The following MARK1 variants were observed in gnomAD, a reference collection of about 807,000 sequenced individuals.
MARK1 encodes serine/threonine-protein kinase MARK1.
In MARK1, 40 loss-of-function variants were observed where a neutral mutation model predicts 96.3. That is an observed-to-expected ratio of 0.42 (90% confidence interval 0.32 to 0.54). The LOEUF (loss-of-function observed/expected upper bound fraction) is 0.54, where lower values mean the gene tolerates loss of function less well. Among genes scored for constraint, MARK1 ranks in the 20% least tolerant of loss-of-function variants. The probability of loss-of-function intolerance (pLI) is 0.16; values close to 1 mark genes in which losing one functional copy is unlikely to be tolerated. For missense variants in MARK1, 719 were observed against 984.6 expected (o/e 0.73, Z 3.61); for synonymous variants, 317 against 341.2 (o/e 0.93, Z 0.78).
intron 10 of MARK1, 119 bp downstream of exon 10, chr1:220,631,253 G>C: frequency 1.8e-6 from 1 of 542,134 alleles, no homozygotes; most frequent in East Asian, 3.1e-5. Flanking sequence ...AAAAATACTT[G>C]CATTGTCATT....
intron 3 of MARK1, among the ~76,000 whole-genome samples, chr1:220,584,126 TTG>T (rs1475183256): frequency 1.3e-5 from 2 of 152,214 alleles, no homozygotes; most frequent in Non-Finnish European, 1.5e-5. Flanking sequence ...ATGACAAAGT[TTG>T]TGTCAGTCTG....
chr1:220,573,263 T>TTTA (rs1376060894), intron 1 of MARK1, among the ~76,000 whole-genome samples: 1 of 152,128 alleles, frequency 6.6e-6, no homozygotes, highest in African/African-American at 2.4e-5. Flanking sequence ...CTGGGCCCCA[T>TTTA]TTATACATGT....
chr1:220,647,317 A>G (rs945057559), intron 13 of MARK1, among the ~76,000 whole-genome samples: 1 of 152,220 alleles, frequency 6.6e-6, no homozygotes, highest in African/African-American at 2.4e-5. Context: ...ATCACTAATC[A>G]TTAGAGAAAT....
chr1:220,546,711 G>T (rs1366296691), intron 1 of MARK1, among the ~76,000 whole-genome samples: 1 of 152,138 alleles, frequency 6.6e-6, no homozygotes, highest in African/African-American at 2.4e-5. Flanking sequence ...AGTGGCTCAC[G>T]CCTGTAATCC....
At chr1:220,660,970 A>AG (rs1176321368) in intron 17 of MARK1, among the ~76,000 whole-genome samples, 1 of 152,216 alleles carries the variant, frequency 6.6e-6, no homozygotes, top group African/African-American at 2.4e-5. Flanking sequence ...AAGCAGGCTA[A>AG]GGGGGCTTGG....
intron 4 of MARK1, among the ~76,000 whole-genome samples, chr1:220,598,726 G>C (rs1171346674): frequency 1.3e-5 from 2 of 151,952 alleles, no homozygotes; most frequent in Non-Finnish European, 2.9e-5. Flanking sequence ...GGGCGTGGTG[G>C]CTTATGCCTG....
At chr1:220,611,146 C>T (rs1666416841) in intron 6 of MARK1, among the ~76,000 whole-genome samples, 1 of 152,204 alleles carries the variant, frequency 6.6e-6, no homozygotes, top group Non-Finnish European at 1.5e-5. Context: ...CAGAAGTTGC[C>T]TGCTGCCTTT....
At chr1:220,621,619 T>G (rs1667057689) in intron 9 of MARK1, among the ~76,000 whole-genome samples, 1 of 152,126 alleles carries the variant, frequency 6.6e-6, no homozygotes. Flanking sequence ...TTAATAAGCC[T>G]CGTAGATTTG....
At chr1:220,627,593 C>T (rs1667424218) in intron 9 of MARK1, 1 of 276,538 alleles carries the variant, frequency 3.6e-6, no homozygotes, top group African/African-American at 2.3e-5. Context: ...GAAACCAAGG[C>T]CCTGAGCCCA....
At chr1:220,606,607 A>G (rs948397047) in intron 6 of MARK1, among the ~76,000 whole-genome samples, 3 of 152,136 alleles carry the variant, frequency 2.0e-5, no homozygotes, top group African/African-American at 7.2e-5. Flanking sequence ...GCCCATGCCT[A>G]TGTCCTTAAT....
At chr1:220,619,661 T>C (rs1210190215) in intron 9 of MARK1, among the ~76,000 whole-genome samples, 1 of 152,200 alleles carries the variant, frequency 6.6e-6, no homozygotes, top group East Asian at 1.9e-4. Context: ...GGACTAAGTA[T>C]GTTACAGCCA....
chr1:220,551,571 A>G (rs1402616902), intron 1 of MARK1, among the ~76,000 whole-genome samples: 2 of 152,184 alleles, frequency 1.3e-5, no homozygotes, highest in African/African-American at 2.4e-5. Context: ...CTCTTTATCT[A>G]TCTTTAGGTG....
intron 1 of MARK1, among the ~76,000 whole-genome samples, chr1:220,570,562 T>C (rs1663376287): frequency 6.6e-6 from 1 of 152,280 alleles, no homozygotes; most frequent in South Asian, 2.1e-4. Flanking sequence ...TTTTTAAAGT[T>C]GAAGCAGTAA....
intron 1 of MARK1, among the ~76,000 whole-genome samples, chr1:220,570,392 C>A (rs1663358649): frequency 1.3e-5 from 2 of 151,980 alleles, no homozygotes; most frequent in Admixed American, 1.3e-4. Flanking sequence ...ATATTTATAC[C>A]AGCTGCAGAA....
In MARK1 at chr1:220,528,680, C is replaced by T. The variant is rs1660084570; in HGVS notation, c.-143C>T. 1.6e-6 allele frequency: 1 copy of T among 614,178 alleles called. No homozygotes were observed. The highest frequency in any genetic ancestry group is 2.6e-5 in the South Asian group (1 of 38,528). The allele number at this position is 614,178 out of a possible 1,614,324, so 38.0% of individuals were successfully genotyped here. A position where few individuals can be genotyped will look rare whatever the true frequency, so the allele number is the denominator to read the frequency against. On this transcript the variant is annotated 5_prime_UTR_variant, in exon 1 of 18. Coordinates refer to ENST00000366917, the MANE Select transcript of MARK1 (RefSeq NM_018650.5). Reference sequence around the variant, plus strand: ...TCTTCCCTCTTTCCCCCGCCGGGGCCGCTTGTTGCACCGCCCCGCGGCCTG... The same window carrying T: ...TCTTCCCTCTTTCCCCCGCCGGGGCTGCTTGTTGCACCGCCCCGCGGCCTG...
chr1:220,653,204 T>G lies in MARK1; in HGVS notation c.1840T>G (p.Phe614Val). ...CCGAGGGAGCTCAAGCCGAAGCACT[T>G]TCCATGGTGAACAGCTCCGGGAGCG... Reference protein sequence around the residue: ...FPRGSSSRSTFHGEQLRERRS... With the variant: ...FPRGSSSRSTVHGEQLRERRS... The change falls in exon 16 of 18, where the codon TTC (phenylalanine) becomes GTC (valine). Residue 614 changes from phenylalanine to valine, a missense_variant. Transcript: ENST00000366917. 6.2e-7 allele frequency: 1 copy of G among 1,614,218 alleles called. No homozygotes were observed. Among genetic ancestry groups the G allele is most frequent in the Non-Finnish European group, 8.5e-7 (1 of 1,180,044 alleles).
intron 9 of MARK1, chr1:220,626,326 T>G: frequency 1.8e-6 from 1 of 547,168 alleles, no homozygotes; most frequent in East Asian, 4.8e-5. Flanking sequence ...GACTATGTCT[T>G]CTCCTAAGTA....
At chr1:220,534,961 TTATAAATAATA>T in intron 1 of MARK1, among the ~76,000 whole-genome samples, 1 of 152,114 alleles carries the variant, frequency 6.6e-6, no homozygotes, top group African/African-American at 2.4e-5. Context: ...TTCTTGGCTC[TTATAAATAATA>T]CCTCAGTAAA....
At chr1:220,572,481 G>T (rs181319724) in intron 1 of MARK1, among the ~76,000 whole-genome samples, 110 of 152,300 alleles carry the variant, frequency 7.2e-4, no homozygotes, top group African/African-American at 2.6e-3. Context: ...GACCTCAGGT[G>T]ATCTGCCCTC....
Sources: allele counts gnomAD v4.1 joint callset (sites outside exome capture counted in the v4.1 genomes callset), GRCh38; gene constraint gnomAD v4.1.1; transcripts MANE v1.5; gene names NCBI Gene and HGNC (gene_info 2026-07-23, HGNC 2026-07-21).